Variants in MSX1 observed in about 807,000 individuals in gnomAD.
The protein encoded by MSX1 is homeobox protein MSX-1.
Under a neutral mutation model 17.0 loss-of-function variants are expected in MSX1, and 11 were observed. The ratio of observed to expected loss-of-function variants is 0.65; its 90% CI spans 0.41 to 1.07. The LOEUF is 1.07. MSX1 is among the 50% of genes least tolerant of loss of function. The pLI, the probability that MSX1 is intolerant of heterozygous loss-of-function variation, is 0.00. For synonymous variants in MSX1, 253 were observed against 211.8 expected, an observed-to-expected ratio of 1.19 and a Z score of -1.69; for missense variants, 477 against 440.1, an observed-to-expected ratio of 1.08 and a Z score of -0.75.
chr4:4,863,258 G>A lies in MSX1; in HGVS notation c.*115G>A, dbSNP rs1553878202. 1 of 1,109,476 alleles carries A rather than the reference G, an allele frequency of 9.0e-7. No individual in the cohort carries two copies. The highest frequency in any genetic ancestry group is 1.4e-5 in the South Asian group (1 of 70,292). 68.7% of individuals were successfully genotyped at this position (1,109,476 alleles called of 1,614,324 possible). On this transcript the variant is annotated 3_prime_UTR_variant, in exon 2 of 2. Transcript: ENST00000382723. ...CCGCCTTCCCTTTAACCCTCACACTGCTCCAGTTTCACCTCTTTGCTCCCT... is the reference window on the plus strand; with the variant it reads ...CCGCCTTCCCTTTAACCCTCACACTACTCCAGTTTCACCTCTTTGCTCCCT...
At position 4,859,678 on chromosome 4, in the gene MSX1, G is replaced by T. The variant is rs964483864; in HGVS notation, c.-222G>T. On this transcript the variant is annotated 5_prime_UTR_variant, in exon 1 of 2. Coordinates refer to ENST00000382723, the MANE Select transcript of MSX1 (RefSeq NM_002448.3). Reference sequence around the variant, plus strand: ...GGGAGCCGCGGTAGGGCCCGGAGCCGGCGAGTGCTCCCGGGAACTCTGCCT... The same window carrying T: ...GGGAGCCGCGGTAGGGCCCGGAGCCTGCGAGTGCTCCCGGGAACTCTGCCT... 20 of 191,638 alleles carry T rather than the reference G, an allele frequency of 1.0e-4. No homozygotes were observed. Among genetic ancestry groups the T allele is most frequent in the Non-Finnish European group, 1.6e-4 (15 of 96,164 alleles). The allele number at this position is 191,638 out of a possible 1,614,324, so 11.9% of individuals were successfully genotyped here.
chr4:4,861,569 T>G (rs3111689), intron 1 of MSX1, among the ~76,000 whole-genome samples: 34,457 of 152,286 alleles, frequency 0.23, 4,025 homozygotes, highest in Middle Eastern at 0.29. Context: ...GTGAAACATC[T>G]TCGATTTGAA....
chr4:4,862,532 T>C (rs1333244947), intron 1 of MSX1, 169 bp from the exon 2 acceptor site: 3 of 849,798 alleles, frequency 3.5e-6, no homozygotes, highest in African/African-American at 1.7e-5. Context: ...GGGGTTGCAA[T>C]GGGAATTGGA....
At position 4,859,802 on chromosome 4, in the gene MSX1, C is replaced by T. The variant is rs1350886650; in HGVS notation, c.-98C>T. 5 of 1,096,810 alleles carry T rather than the reference C, an allele frequency of 4.6e-6. No individual in the cohort carries two copies. In the East Asian group the frequency reaches 1.5e-4, roughly 32 times the overall value. The allele number at this position is 1,096,810 out of a possible 1,614,324, so 67.9% of individuals were successfully genotyped here. On this transcript the variant is annotated 5_prime_UTR_variant, in exon 1 of 2. Transcript: ENST00000382723. ...GCGGGAGGGTCCGCCCGGCCAGGGC[C>T]CCGGGCGCTCGCAGAGGCCGGCCGC...
chr4:4,860,342 GC>G lies in MSX1; in HGVS notation c.448del (p.Arg150AlafsTer10). On this transcript the variant is annotated frameshift_variant, in exon 1 of 2. Transcript: ENST00000382723. LOFTEE classifies it high-confidence loss of function. The part of the protein sequence containing the change: ...EKPERTPWMQ[S>X]PRFSPPPARR... ...CCCGAGAGGACCCCGTGGATGCAGA[GC>G]CCCCGCTTCTCCCCGCCGCCGGCCA... 1 of 1,593,674 alleles carries G rather than the reference GC, an allele frequency of 6.3e-7. No homozygotes were observed. The highest frequency in any genetic ancestry group is 8.5e-7 in the Non-Finnish European group (1 of 1,172,066).
At chr4:4,861,895 C>G (rs555615906) in intron 1 of MSX1, among the ~76,000 whole-genome samples, 1 of 35,762 alleles carries the variant, frequency 2.8e-5, no homozygotes, top group Admixed American at 4.0e-4. Context: ...GCAACAACAT[C>G]AACACACACA....
At chr4:4,862,040 G>A (rs1336975535) in intron 1 of MSX1, among the ~76,000 whole-genome samples, 3 of 152,204 alleles carry the variant, frequency 2.0e-5, no homozygotes, top group African/African-American at 7.2e-5. Flanking sequence ...CTCCGCTCCA[G>A]ATGACACTTT....
At chr4:4,860,515 C>A in intron 1 of MSX1, 147 bp downstream of exon 1, 1 of 989,440 alleles carries the variant, frequency 1.0e-6, no homozygotes, top group Non-Finnish European at 1.5e-6. Flanking sequence ...GGGTCTTGCG[C>A]CTCCCTCCAC....
chr4:4,861,931 G>A (rs1737925474), intron 1 of MSX1, among the ~76,000 whole-genome samples: 1 of 151,918 alleles, frequency 6.6e-6, no homozygotes, highest in African/African-American at 2.4e-5. Flanking sequence ...AAACGTTTGA[G>A]TGGGGCCAGA....
At chr4:4,862,571 T>A in intron 1 of MSX1, 130 bp from the exon 2 acceptor site, 1 of 1,066,312 alleles carries the variant, frequency 9.4e-7, no homozygotes, top group East Asian at 2.4e-5. Flanking sequence ...CCTTGCGCGA[T>A]GCCCGGCACC....
rs766839374 is a variant in MSX1, at chr4:4,860,343, C to T, written c.444C>T (p.Ser148=). The T allele has an allele frequency of 3.7e-6, 6 of 1,604,296 alleles. No individual in the cohort carries two copies. The highest frequency in any genetic ancestry group is 2.5e-6 in the Non-Finnish European group (3 of 1,179,528). ...CCGAGAGGACCCCGTGGATGCAGAGCCCCCGCTTCTCCCCGCCGCCGGCCA... is the reference window on the plus strand; with the variant it reads ...CCGAGAGGACCCCGTGGATGCAGAGTCCCCGCTTCTCCCCGCCGCCGGCCA... ...EKPERTPWMQ[S]PRFSPPPARR... Residue 148 remains serine (S), a synonymous_variant, in exon 1 of 2, where the codon AGC becomes AGT. Transcript: ENST00000382723.
At chr4:4,860,476 G>A (rs1560309689) in intron 1 of MSX1, 108 bp downstream of exon 1, 2 of 1,378,086 alleles carry the variant, frequency 1.5e-6, no homozygotes, top group Admixed American at 2.0e-5. Flanking sequence ...ACCTGCAGCC[G>A]GTGCTAGGGA....
chr4:4,863,912 ATAAAT>A lies in MSX1; in HGVS notation c.*773_*777del, dbSNP rs1292886708. 1 of 152,530 alleles carries A rather than the reference ATAAAT, an allele frequency of 6.6e-6. No homozygotes were observed. The highest frequency in any genetic ancestry group is 2.4e-5 in the African/African-American group (1 of 41,414). The allele number at this position is 152,530 out of a possible 1,614,324, so 9.4% of individuals were successfully genotyped here. On this transcript the variant is annotated 3_prime_UTR_variant, in exon 2 of 2. Coordinates refer to ENST00000382723, the MANE Select transcript of MSX1 (RefSeq NM_002448.3). ...TTTATATTATAGCTATATTTGTTAA[ATAAAT>A]TAATTTTAAGCTACAAAAATTATCT...
At position 4,862,826 on chromosome 4, in the gene MSX1, A is replaced by G. The variant is rs1254077152; in HGVS notation, c.595A>G (p.Ile199Val). The change falls in exon 2 of 2, where the codon ATC becomes GTC. Residue 199 changes from isoleucine to valine, a missense_variant. Physicochemically the swap from Ile to Val is conservative, Grantham distance 29 (BLOSUM62 3). Transcript: ENST00000382723. ...RKFRQKQYLS[I>V]AERAEFSSSL... is the part of the protein sequence containing the mutation. Reference sequence around the variant, plus strand: ...GTTCCGCCAGAAGCAGTACCTGTCCATCGCCGAGCGCGCGGAGTTCTCCAG... The same window carrying G: ...GTTCCGCCAGAAGCAGTACCTGTCCGTCGCCGAGCGCGCGGAGTTCTCCAG... 8 of 1,613,820 alleles carry G rather than the reference A, an allele frequency of 5.0e-6. No homozygotes were observed. In the South Asian group the frequency reaches 5.5e-5, roughly 11 times the overall value.
rs1172241272 is a variant in MSX1, at chr4:4,862,910, G to C, written c.679G>C (p.Ala227Pro). 6.2e-7 allele frequency: 1 copy of C among 1,613,490 alleles called. No homozygotes were observed. The highest frequency in any genetic ancestry group is 8.5e-7 in the Non-Finnish European group (1 of 1,180,018). Reference protein sequence around the residue: ...KIWFQNRRAKAKRLQEAELEK... With the variant: ...KIWFQNRRAKPKRLQEAELEK... ...ATGGTTCCAGAACCGCCGCGCCAAG[G>C]CAAAGAGACTACAAGAGGCAGAGCT... The change falls in exon 2 of 2, where the codon GCA becomes CCA. Residue 227 changes from alanine (A) to proline (P), a missense_variant. Physicochemically the swap from Ala to Pro is conservative, Grantham distance 27 (BLOSUM62 -1). Around this residue, in one of 3 missense-constraint regions of MSX1, gnomAD observed 8 missense variants for 27.7 expected, o/e 0.29. Coordinates refer to ENST00000382723, the MANE Select transcript of MSX1 (RefSeq NM_002448.3).
Position 4,862,712 on chromosome 4 carries a change from C to A in MSX1, c.481C>A (p.Pro161Thr). ...FSPPPARRLS[P>T]PACTLRKHKT... ...CTTTCGGCCCTCAGGGCGGCTGAGC[C>A]CCCCAGCCTGCACCCTCCGCAAACA... The change falls in exon 2 of 2, where the codon CCC (proline) becomes ACC (threonine). Residue 161 changes from proline (P) to threonine (T), a missense_variant. Pro to Thr is a conservative substitution (Grantham distance 38). Transcript: ENST00000382723. 1 of 1,612,944 alleles carries A rather than the reference C, an allele frequency of 6.2e-7. No homozygotes were observed. The highest frequency in any genetic ancestry group is 8.5e-7 in the Non-Finnish European group (1 of 1,180,016).
rs1338300310 is a variant in MSX1, at chr4:4,863,936, A to C, written c.*793A>C. 1 of 151,610 alleles carries C rather than the reference A, an allele frequency of 6.6e-6. No individual in the cohort carries two copies. The highest frequency in any genetic ancestry group is 1.9e-4 in the East Asian group (1 of 5,196). 9.4% of individuals were successfully genotyped at this position (151,610 alleles called of 1,614,324 possible). ...AATAAATTAATTTTAAGCTACAAAA[A>C]TTATCTCTTTACTGATTGAGTCTTT... On this transcript the variant is annotated 3_prime_UTR_variant, in exon 2 of 2. Coordinates refer to ENST00000382723, the MANE Select transcript of MSX1 (RefSeq NM_002448.3).
In MSX1 at chr4:4,863,213, C is replaced by T. The variant is rs2229262; in HGVS notation, c.*70C>T. ...CCTGGTGCTGTACCCCCGACGTGCTCCCCTGCTCGGCACCGCCAGCCGCCT... is the reference window on the plus strand; with the variant it reads ...CCTGGTGCTGTACCCCCGACGTGCTTCCCTGCTCGGCACCGCCAGCCGCCT... On this transcript the variant is annotated 3_prime_UTR_variant, in exon 2 of 2. Coordinates refer to ENST00000382723, the MANE Select transcript of MSX1 (RefSeq NM_002448.3). 6,173 of 1,486,418 alleles carry T rather than the reference C, an allele frequency of 4.2e-3. 221 individuals carry two copies. In the African/African-American group the frequency reaches 0.076, roughly 18 times the overall value. 92.1% of individuals were successfully genotyped at this position (1,486,418 alleles called of 1,614,324 possible).
rs927588357 is a variant in MSX1, at chr4:4,860,218, G to A, written c.319G>A (p.Asp107Asn). The A allele has an allele frequency of 1.9e-6, 3 of 1,564,126 alleles. No homozygotes were observed. Among genetic ancestry groups the A allele is most frequent in the Non-Finnish European group, 2.6e-6 (3 of 1,162,942 alleles). The change falls in exon 1 of 2, where the codon GAC becomes AAC. Residue 107 changes from aspartate (D) to asparagine (N), a missense_variant. Asp to Asn is a conservative substitution (Grantham distance 23). Transcript: ENST00000382723. ...CCCGCCGGGGTCGCTGGGAGCCCCG[G>A]ACGCGCCCTCTTCGCCGCGGCCGCT... Reference protein sequence around the residue: ...GVPPGSLGAPDAPSSPRPLGH... With the variant: ...GVPPGSLGAPNAPSSPRPLGH...
Sources: allele counts gnomAD v4.1 joint callset (sites outside exome capture counted in the v4.1 genomes callset), GRCh38; gene constraint gnomAD v4.1.1; regional missense constraint gnomAD v4.1.1; transcripts MANE v1.5; gene names NCBI Gene and HGNC (gene_info 2026-07-23, HGNC 2026-07-21).